The following ALPK1 variants were observed in gnomAD, a reference collection of about 807,000 sequenced individuals.
The protein encoded by ALPK1 is alpha-protein kinase 1.
In ALPK1, 110 loss-of-function variants were observed where a neutral mutation model predicts 120.6. The observed-to-expected ratio is 0.91, with a 90% CI of 0.78 to 1.07. The LOEUF is 1.07. Ranked by LOEUF, ALPK1 falls within the 50% of genes least tolerant of loss-of-function variation. ALPK1 has a pLI of 0.00. For missense variants in ALPK1, 1,498 were observed against 1,483.9 expected (o/e 1.01, Z -0.16); for synonymous variants, 582 against 560.3 (o/e 1.04, Z -0.55).
intron 2 of ALPK1, among the ~76,000 whole-genome samples, chr4:112,367,760 G>A (rs1230307425): frequency 6.6e-6 from 1 of 152,116 alleles, no homozygotes; most frequent in Non-Finnish European, 1.5e-5. Flanking sequence ...TTAGACATAT[G>A]TTAGACCTTT....
chr4:112,388,623 CA>C (rs11409574), intron 4 of ALPK1, among the ~76,000 whole-genome samples: 4,593 of 128,560 alleles, frequency 0.036, 162 homozygotes, highest in African/African-American at 0.1. Flanking sequence ...CATCAAGTTG[CA>C]AAAAAAAAAA....
chr4:112,391,268 A>G (rs1732404733), intron 4 of ALPK1, among the ~76,000 whole-genome samples: 1 of 152,208 alleles, frequency 6.6e-6, no homozygotes, highest in Non-Finnish European at 1.5e-5. Flanking sequence ...CCTTGTGAAC[A>G]AGGTAGGGGC....
intron 2 of ALPK1, among the ~76,000 whole-genome samples, chr4:112,329,077 C>G (rs962086010): frequency 6.6e-6 from 1 of 152,086 alleles, no homozygotes; most frequent in Non-Finnish European, 1.5e-5. Context: ...ATCCCTTTAC[C>G]CTTCACATTG....
At chr4:112,323,274 T>C (rs1728942249) in intron 2 of ALPK1, among the ~76,000 whole-genome samples, 1 of 152,232 alleles carries the variant, frequency 6.6e-6, no homozygotes, top group African/African-American at 2.4e-5. Flanking sequence ...ATTATTTTTT[T>C]CCTCAAAGTG....
In ALPK1 at chr4:112,426,536, A is replaced by G. The variant is rs373380960; in HGVS notation, c.692A>G (p.Asp231Gly). 1.1e-4 allele frequency: 169 copies of G among 1,573,988 alleles called. No individual in the cohort carries two copies. The African/African-American group carries it at 1.7e-3, about 16-fold the overall frequency. Residue 231 changes from aspartate (D) to glycine (G), a missense_variant, in exon 8 of 16, where the codon GAT becomes GGT. By Grantham distance (94) the Asp-to-Gly change is moderately conservative (BLOSUM62 -1). Transcript: ENST00000650871. ...GGATATTTGGCACTTCCTCAGCCGG[A>G]TAAAAAGGTGGTTTGTCTAGTGCTT... is the stretch of plus-strand genomic sequence containing the variant. Reference protein sequence around the residue: ...IVGYLALPQPDKKGLSTSLGI... With the variant: ...IVGYLALPQPGKKGLSTSLGI...
rs397941407 is a variant in ALPK1 at position 112,320,897 on chromosome 4, C to CTTTT, written c.-101+5059_-101+5062dup. Among the ~76,000 whole-genome samples the CTTTT allele has an allele frequency of 3.6e-4, 45 of 123,596 alleles. 2 individuals are homozygous for CTTTT. The East Asian group carries it at 4.0e-3, about 11-fold the overall frequency. 81.1% of individuals were successfully genotyped at this position (123,596 alleles called of 152,430 possible). Reference sequence around the variant, plus strand: ...TGGTTGTAATATCACCCATTTCTTTCTTTTTTTTTTTTTTTTTGAGACGGA... The same window carrying CTTTT: ...TGGTTGTAATATCACCCATTTCTTTCTTTTTTTTTTTTTTTTTTTTTGAGACGGA... On this transcript the variant is annotated intron_variant, in intron 2 of 15. Transcript: ENST00000650871.
At chr4:112,387,940 C>T (rs1261459226) in intron 4 of ALPK1, among the ~76,000 whole-genome samples, 2 of 152,164 alleles carry the variant, frequency 1.3e-5, no homozygotes, top group African/African-American at 2.4e-5. Context: ...CCATCATCCA[C>T]CTTCCAATAG....
chr4:112,384,837 T>TA (rs35340414), intron 4 of ALPK1: 16,042 of 151,428 alleles, frequency 0.11, 1,220 homozygotes, highest in African/African-American at 0.21. Flanking sequence ...ACCAATCCAA[T>TA]AAAAAAAAAT....
chr4:112,361,606 C>T (rs954794160), intron 2 of ALPK1, among the ~76,000 whole-genome samples: 6 of 152,208 alleles, frequency 3.9e-5, no homozygotes, highest in African/African-American at 7.2e-5. Flanking sequence ...CCTAACCCTG[C>T]CCCCATCTGA....
At chr4:112,379,322 T>C (rs1731798388) in intron 3 of ALPK1, among the ~76,000 whole-genome samples, 1 of 152,198 alleles carries the variant, frequency 6.6e-6, no homozygotes, top group Non-Finnish European at 1.5e-5. Flanking sequence ...GACATGGCCC[T>C]TCAGGTAAGC....
intron 1 of ALPK1, among the ~76,000 whole-genome samples, chr4:112,309,456 C>T (rs1728295779): frequency 6.6e-6 from 1 of 152,158 alleles, no homozygotes; most frequent in South Asian, 2.1e-4. Flanking sequence ...GGCAGACGCC[C>T]CTCCCCCAGC....
intron 1 of ALPK1, among the ~76,000 whole-genome samples, chr4:112,302,949 CA>C (rs1727856838): frequency 6.6e-6 from 1 of 152,196 alleles, no homozygotes; most frequent in Non-Finnish European, 1.5e-5. Flanking sequence ...GAGACAAACA[CA>C]AAGGCTGCTT....
intron 2 of ALPK1, among the ~76,000 whole-genome samples, chr4:112,343,877 A>G (rs1209656329): frequency 6.6e-6 from 1 of 152,070 alleles, no homozygotes; most frequent in African/African-American, 2.4e-5. Flanking sequence ...CTGTTCATAT[A>G]TCCACAAGGC....
chr4:112,299,985 C>T (rs1727714884), intron 1 of ALPK1, among the ~76,000 whole-genome samples: 1 of 152,070 alleles, frequency 6.6e-6, no homozygotes, highest in Non-Finnish European at 1.5e-5. Context: ...ATAGTATGTG[C>T]CAATGGCTAT....
intron 2 of ALPK1, among the ~76,000 whole-genome samples, chr4:112,367,963 A>G (rs1731232223): frequency 6.6e-6 from 1 of 152,150 alleles, no homozygotes; most frequent in African/African-American, 2.4e-5. Flanking sequence ...GTGCAGTGGC[A>G]TGATGTTGGC....
At chr4:112,377,576 A>AT in intron 2 of ALPK1, 102 bp from the exon 3 acceptor site, 1 of 439,804 alleles carries the variant, frequency 2.3e-6, no homozygotes. Context: ...GGGGGCTGTC[A>AT]TGTATTTTCC....
At chr4:112,428,849 C>A (rs1305620391) in intron 9 of ALPK1, among the ~76,000 whole-genome samples, 1 of 152,150 alleles carries the variant, frequency 6.6e-6, no homozygotes, top group Non-Finnish European at 1.5e-5. Context: ...TTGCCAAGAG[C>A]GTGCAGAAAT....
At chr4:112,427,342 T>C (rs1156640403) in intron 8 of ALPK1, among the ~76,000 whole-genome samples, 1 of 138,262 alleles carries the variant, frequency 7.2e-6, no homozygotes, top group Non-Finnish European at 1.6e-5. Flanking sequence ...ACATGTATAA[T>C]TATTATATAC....
chr4:112,404,775 T>C (rs1276020563), intron 4 of ALPK1, among the ~76,000 whole-genome samples: 6 of 152,250 alleles, frequency 3.9e-5, no homozygotes, highest in Non-Finnish European at 7.3e-5. Flanking sequence ...TGTGTGCCTA[T>C]AAATATTCTT....
Sources: allele counts gnomAD v4.1 joint callset (sites outside exome capture counted in the v4.1 genomes callset), GRCh38; gene constraint gnomAD v4.1.1; transcripts MANE v1.5; gene names NCBI Gene and HGNC (gene_info 2026-07-23, HGNC 2026-07-21).